The following BARD1 variants were observed in gnomAD, a reference collection of about 807,000 sequenced individuals.
The protein encoded by BARD1 is BRCA1 associated RING domain 1.
Under a neutral mutation model 77.0 loss-of-function variants are expected in BARD1, and 73 were observed. The ratio of observed to expected loss-of-function variants is 0.95; its 90% CI spans 0.79 to 1.15. BARD1 has a LOEUF of 1.15. Ranked by LOEUF, BARD1 falls within the 50% of genes most tolerant of loss-of-function variation. The pLI is 0.00. For synonymous variants in BARD1, 384 were observed against 338.0 expected (o/e 1.14, Z -1.49); for missense variants, 993 against 938.8 (o/e 1.06, Z -0.75).
chr2:214,790,953 C>T (rs761131941), intron 3 of BARD1, among the ~76,000 whole-genome samples: 7 of 152,184 alleles, frequency 4.6e-5, no homozygotes, highest in Non-Finnish European at 8.8e-5. Context: ...AGGTAGATCA[C>T]ACACCAATCT....
intron 7 of BARD1, among the ~76,000 whole-genome samples, chr2:214,747,832 T>C (rs1383317363): frequency 6.6e-6 from 1 of 151,230 alleles, no homozygotes; most frequent in African/African-American, 2.4e-5. Context: ...GTTGTGCACA[T>C]GTACCCTAAA....
chr2:214,751,000 G>A (rs1330878086), intron 7 of BARD1, among the ~76,000 whole-genome samples: 1 of 150,438 alleles, frequency 6.6e-6, no homozygotes, highest in Non-Finnish European at 1.5e-5. Context: ...TTCTGTTACT[G>A]GCAGCCAACA....
At position 214,728,825 on chromosome 2, in the gene BARD1, C is replaced by A. The variant is rs1443031799; in HGVS notation, c.2185G>T (p.Asp729Tyr). 1.2e-6 allele frequency: 2 copies of A among 1,614,184 alleles called. No individual in the cohort carries two copies. Among genetic ancestry groups the A allele is most frequent in the Non-Finnish European group, 1.7e-6 (2 of 1,180,040 alleles). ...TVAYHARPDS[D>Y]QRFCTQYIIY... ...ATATACTGTGTGCAGAAGCGCTGAT[C>A]AGAATCGGGTCTCGCATGGTATGCG... is the stretch of plus-strand genomic sequence containing the variant. Residue 729 changes from aspartate to tyrosine, a missense_variant, in exon 11 of 11, where the codon GAT becomes TAT. Coordinates refer to ENST00000260947, the MANE Select transcript of BARD1 (RefSeq NM_000465.4).
chr2:214,737,891 T>C (rs1158741492), intron 9 of BARD1, among the ~76,000 whole-genome samples: 4 of 152,126 alleles, frequency 2.6e-5, no homozygotes, highest in African/African-American at 7.2e-5. Flanking sequence ...GTTAATAAAG[T>C]CCATAATTAT....
intron 9 of BARD1, among the ~76,000 whole-genome samples, chr2:214,734,861 C>G (rs1692504168): frequency 6.6e-6 from 1 of 152,144 alleles, no homozygotes; most frequent in Non-Finnish European, 1.5e-5. Flanking sequence ...GTACTTGTAT[C>G]CTTCCCCAAA....
intron 6 of BARD1, among the ~76,000 whole-genome samples, chr2:214,757,952 G>T (rs1046685749): frequency 6.6e-6 from 1 of 152,154 alleles, no homozygotes; most frequent in Admixed American, 6.5e-5. Context: ...GGAAAAAAGG[G>T]GGTAAAGGGA....
At chr2:214,761,867 G>T (rs186625779) in intron 6 of BARD1, among the ~76,000 whole-genome samples, 26 of 152,244 alleles carry the variant, frequency 1.7e-4, no homozygotes, top group African/African-American at 6.3e-4. Context: ...CATCATTATT[G>T]CATCATTCTG....
chr2:214,772,833 T>G (rs1264443266), intron 4 of BARD1, among the ~76,000 whole-genome samples: 1 of 152,214 alleles, frequency 6.6e-6, no homozygotes, highest in African/African-American at 2.4e-5. Flanking sequence ...TGGAATAGCT[T>G]GAACTGATAT....
chr2:214,781,147 A>G lies in BARD1; in HGVS notation c.727T>C (p.Cys243Arg), dbSNP rs1471759513. 6.3e-7 allele frequency: 1 copy of G among 1,575,830 alleles called. No individual in the cohort carries two copies. The change falls in exon 4 of 11, where the codon TGT becomes CGT. Residue 243 changes from cysteine (C) to arginine (R), a missense_variant. By Grantham distance (180) the Cys-to-Arg change is radical. Coordinates refer to ENST00000260947, the MANE Select transcript of BARD1 (RefSeq NM_000465.4). ...CTGGAGATAACAGATGGTTGGCTAC[A>G]GAAGGATACCAGCTTTTGCTTAGAT... ...EESKQKLVSFCSQPSVISSPQ... is the reference protein window; with the variant it reads ...EESKQKLVSFRSQPSVISSPQ...
intron 2 of BARD1, 84 bp from the exon 3 acceptor site, chr2:214,792,529 A>C: frequency 1.5e-6 from 2 of 1,322,580 alleles, no homozygotes; most frequent in Non-Finnish European, 2.0e-6. Flanking sequence ...AACAGAAATA[A>C]ATGGAGCAGA....
At chr2:214,789,738 C>A (rs1239136536) in intron 3 of BARD1, among the ~76,000 whole-genome samples, 1 of 151,984 alleles carries the variant, frequency 6.6e-6, no homozygotes, top group Non-Finnish European at 1.5e-5. Context: ...TCCTCAGTTT[C>A]CTTACCTACA....
Position 214,726,623 on chromosome 2 carries a change from A to G in BARD1, c.*2053T>C, listed in dbSNP as rs1420370231. 4.3e-6 allele frequency: 1 copy of G among 230,048 alleles called. No individual in the cohort carries two copies. Among genetic ancestry groups the G allele is most frequent in the African/African-American group, 2.2e-5 (1 of 45,196 alleles). 14.3% of individuals were successfully genotyped at this position (230,048 alleles called of 1,614,324 possible). A position where few individuals can be genotyped will look rare whatever the true frequency, so the allele number is the denominator to read the frequency against. On this transcript the variant is annotated 3_prime_UTR_variant, in exon 11 of 11. Transcript: ENST00000260947. ...AGAATAAGCCAATTTTATACAAGACACAGGTATATGGAAACACAAATAACT... is the reference window on the plus strand; with the variant it reads ...AGAATAAGCCAATTTTATACAAGACGCAGGTATATGGAAACACAAATAACT...
At chr2:214,738,275 T>G (rs968301769) in intron 9 of BARD1, among the ~76,000 whole-genome samples, 1 of 152,172 alleles carries the variant, frequency 6.6e-6, no homozygotes, top group Non-Finnish European at 1.5e-5. Context: ...GTTCTCCATT[T>G]CATGTAAGCT....
intron 7 of BARD1, among the ~76,000 whole-genome samples, chr2:214,749,779 A>C (rs1484434172): frequency 2.6e-5 from 3 of 114,718 alleles, no homozygotes; most frequent in Middle Eastern, 4.8e-3. Flanking sequence ...AGAAAAAAAC[A>C]ACCTTTTTTT....
At chr2:214,797,435 T>C (rs1283180521) in intron 1 of BARD1, among the ~76,000 whole-genome samples, 1 of 152,220 alleles carries the variant, frequency 6.6e-6, no homozygotes, top group Non-Finnish European at 1.5e-5. Flanking sequence ...AACTACTGGC[T>C]GCTTCTTTCA....
chr2:214,781,516 G>A lies in BARD1; in HGVS notation c.365-7C>T, dbSNP rs745929983. On this transcript the variant is annotated splice_polypyrimidine_tract_variant and splice_region_variant and intron_variant, in intron 3 of 10. Coordinates refer to ENST00000260947, the MANE Select transcript of BARD1 (RefSeq NM_000465.4). The stretch of plus-strand genomic sequence containing the variant: ...GGTTTATCTTCTTTCAAATCTGACA[G>A]AAAAAAAGAAAAAGAAATCTGTTAC... 4.1e-5 allele frequency: 66 copies of A among 1,596,962 alleles called. No individual in the cohort carries two copies. The Middle Eastern group carries it at 6.8e-4, about 16-fold the overall frequency.
At chr2:214,788,620 A>T (rs1218731661) in intron 3 of BARD1, among the ~76,000 whole-genome samples, 1 of 152,082 alleles carries the variant, frequency 6.6e-6, no homozygotes, top group Non-Finnish European at 1.5e-5. Context: ...TAAAAGAGAA[A>T]ATGTGAGAGA....
chr2:214,788,109 T>G (rs1286153322), intron 3 of BARD1, among the ~76,000 whole-genome samples: 3 of 151,986 alleles, frequency 2.0e-5, no homozygotes, highest in Non-Finnish European at 4.4e-5. Flanking sequence ...ATGTAATCGT[T>G]ACAGAAAGAC....
chr2:214,801,298 A>G (rs1466920585), intron 1 of BARD1, among the ~76,000 whole-genome samples: 1 of 152,238 alleles, frequency 6.6e-6, no homozygotes, highest in African/African-American at 2.4e-5. Flanking sequence ...CATGGTGTTT[A>G]GTATCTGCTT....
Sources: gnomAD v4.1 joint callset for allele counts (sites outside exome capture counted in the v4.1 genomes callset) on GRCh38, gnomAD v4.1.1 for gene constraint, MANE v1.5 for transcripts, NCBI Gene and HGNC (gene_info 2026-07-23, HGNC 2026-07-21) for gene names.